SLC24A4: variants seen among roughly 807,000 people sequenced by gnomAD.
SLC24A4 encodes solute carrier family 24 member 4.
A neutral mutation model predicts 79.0 loss-of-function variants in SLC24A4; 53 were observed. The observed-to-expected ratio is 0.67, with a 90% CI of 0.54 to 0.84. SLC24A4 has a LOEUF of 0.84. SLC24A4 is among the 40% of genes least tolerant of loss of function. SLC24A4 has a pLI of 0.00. For missense variants in SLC24A4, 731 were observed against 822.0 expected, an observed-to-expected ratio of 0.89 and a Z score of 1.35; for synonymous variants, 323 against 323.8, an observed-to-expected ratio of 1.00 and a Z score of 0.03.
At chr14:92,483,142 AGGT>A (rs1895156944) in intron 13 of SLC24A4, among the ~76,000 whole-genome samples, 1 of 152,142 alleles carries the variant, frequency 6.6e-6, no homozygotes, top group Non-Finnish European at 1.5e-5. Context: ...GCAATATGAC[AGGT>A]GGATGATCAC....
chr14:92,421,779 T>C (rs550381874), intron 2 of SLC24A4, among the ~76,000 whole-genome samples: 80 of 152,294 alleles, frequency 5.3e-4, no homozygotes, highest in African/African-American at 1.9e-3. Flanking sequence ...AGTGGTAGAA[T>C]TACAGACATG....
chr14:92,419,115 A>G (rs1891144337), intron 2 of SLC24A4, among the ~76,000 whole-genome samples: 1 of 152,212 alleles, frequency 6.6e-6, no homozygotes, highest in Admixed American at 6.5e-5. Context: ...AACCACATCT[A>G]TAAAATACCT....
At chr14:92,330,812 C>T (rs1264348203) in intron 2 of SLC24A4, among the ~76,000 whole-genome samples, 1 of 152,212 alleles carries the variant, frequency 6.6e-6, no homozygotes, top group Non-Finnish European at 1.5e-5. Flanking sequence ...CCCTCATGCA[C>T]TTGTCTAACC....
intron 12 of SLC24A4, among the ~76,000 whole-genome samples, chr14:92,469,128 G>C (rs545574018): frequency 3.9e-5 from 6 of 152,184 alleles, no homozygotes; most frequent in South Asian, 2.1e-4. Flanking sequence ...ACTAGAATGG[G>C]TATAATCCAG....
In SLC24A4 at chr14:92,470,331, A is replaced by T. The variant is rs137975407; in HGVS notation, c.1256-12349A>T. Among the ~76,000 whole-genome samples the T allele has an allele frequency of 4.5e-3, 683 of 152,324 alleles. 8 individuals are homozygous for T. The highest frequency in any genetic ancestry group is 0.016 in the African/African-American group (648 of 41,570). ...ATAAGTGCTCTGAGCTCCCAGGTCC[A>T]TGCAAATCTACTCTGCATCATCCAG... is the stretch of plus-strand genomic sequence containing the variant. On this transcript the variant is annotated intron_variant, in intron 12 of 16. Transcript: ENST00000532405.
At chr14:92,423,276 C>T (rs140886941) in intron 2 of SLC24A4, among the ~76,000 whole-genome samples, 1 of 152,058 alleles carries the variant, frequency 6.6e-6, no homozygotes, top group Non-Finnish European at 1.5e-5. Flanking sequence ...TCCTGAGTAG[C>T]TGGGATTACA....
At chr14:92,442,691 G>A in intron 5 of SLC24A4, 22 bp from the exon 6 acceptor site, 2 of 1,566,484 alleles carry the variant, frequency 1.3e-6, no homozygotes, top group African/African-American at 1.4e-5. Flanking sequence ...TGAGGCCCAG[G>A]GTCTGTGTGT....
At chr14:92,475,984 A>T (rs373873252) in intron 12 of SLC24A4, among the ~76,000 whole-genome samples, 4 of 152,190 alleles carry the variant, frequency 2.6e-5, no homozygotes, top group East Asian at 3.9e-4. Context: ...GGGCCGTGAC[A>T]CTGGCCACGT....
intron 2 of SLC24A4, among the ~76,000 whole-genome samples, chr14:92,404,553 G>T (rs537288133): frequency 1.3e-5 from 2 of 152,238 alleles, no homozygotes; most frequent in South Asian, 2.1e-4. Context: ...GTCAGCCCTG[G>T]CTGTTCCTTG....
chr14:92,472,941 A>C (rs1469593884), intron 12 of SLC24A4, among the ~76,000 whole-genome samples: 2 of 150,854 alleles, frequency 1.3e-5, no homozygotes, highest in Admixed American at 6.6e-5. Flanking sequence ...CTGCATACTC[A>C]CCCTCCCTTG....
intron 12 of SLC24A4, among the ~76,000 whole-genome samples, chr14:92,467,892 G>T (rs769805632): frequency 6.6e-6 from 1 of 152,200 alleles, no homozygotes; most frequent in Non-Finnish European, 1.5e-5. Context: ...CCCCAGCCCT[G>T]CTGGACGTAG....
chr14:92,445,794 A>G (rs1187344291), intron 8 of SLC24A4, among the ~76,000 whole-genome samples: 4 of 152,346 alleles, frequency 2.6e-5, no homozygotes, highest in African/African-American at 7.2e-5. Context: ...TACAAGGGTA[A>G]ACTCCAGGTG....
chr14:92,367,905 C>T (rs750127159), intron 2 of SLC24A4, among the ~76,000 whole-genome samples: 18 of 152,166 alleles, frequency 1.2e-4, no homozygotes, highest in Non-Finnish European at 2.1e-4. Flanking sequence ...TCAAGAGAGG[C>T]AACGTGGAGA....
At chr14:92,365,039 C>T (rs1887748190) in intron 2 of SLC24A4, among the ~76,000 whole-genome samples, 1 of 152,226 alleles carries the variant, frequency 6.6e-6, no homozygotes, top group Non-Finnish European at 1.5e-5. Context: ...GCCCTCCACC[C>T]TTGAAGCCCT....
At chr14:92,395,936 C>T (rs549726331) in intron 2 of SLC24A4, among the ~76,000 whole-genome samples, 26 of 152,356 alleles carry the variant, frequency 1.7e-4, no homozygotes, top group African/African-American at 6.0e-4. Flanking sequence ...AGTGATTCTC[C>T]TGCCTCAGCC....
intron 2 of SLC24A4, among the ~76,000 whole-genome samples, chr14:92,377,851 G>A (rs1346204154): frequency 6.6e-6 from 1 of 152,056 alleles, no homozygotes; most frequent in African/African-American, 2.4e-5. Flanking sequence ...GGCAGGACTC[G>A]GTGACTGGTT....
chr14:92,373,844 G>A (rs1045309999), intron 2 of SLC24A4, among the ~76,000 whole-genome samples: 1 of 152,110 alleles, frequency 6.6e-6, no homozygotes, highest in African/African-American at 2.4e-5. Context: ...ATAATGTAAT[G>A]CCCCTCCCCA....
intron 2 of SLC24A4, among the ~76,000 whole-genome samples, chr14:92,366,876 C>A (rs1887873845): frequency 6.6e-6 from 1 of 152,180 alleles, no homozygotes; most frequent in Non-Finnish European, 1.5e-5. Flanking sequence ...CAGCTCATGG[C>A]TCAGAGAGCT....
chr14:92,461,435 C>T (rs972345335), intron 12 of SLC24A4, among the ~76,000 whole-genome samples: 1 of 152,218 alleles, frequency 6.6e-6, no homozygotes, highest in Non-Finnish European at 1.5e-5. Flanking sequence ...TGTATTTTCT[C>T]ACATTTCTAG....
Sources: allele counts gnomAD v4.1 joint callset (sites outside exome capture counted in the v4.1 genomes callset), GRCh38; gene constraint gnomAD v4.1.1; transcripts MANE v1.5; gene names NCBI Gene and HGNC (gene_info 2026-07-23, HGNC 2026-07-21).